The following CLSTN2 variants were observed in gnomAD, a reference collection of about 807,000 sequenced individuals.
The protein encoded by CLSTN2 is calsyntenin-2.
In CLSTN2, 48 loss-of-function variants were observed where a neutral mutation model predicts 101.2. That is an observed-to-expected ratio of 0.47 (90% CI 0.38 to 0.60). The LOEUF (loss-of-function observed/expected upper bound fraction) is 0.60. CLSTN2 is among the 20% of genes least tolerant of loss of function. The pLI is 0.00. For missense variants in CLSTN2, 1,160 were observed against 1,238.2 expected, an observed-to-expected ratio of 0.94 and a Z score of 0.95; for synonymous variants, 481 against 463.6, an observed-to-expected ratio of 1.04 and a Z score of -0.48.
At chr3:140,304,232 A>C (rs1185525334) in intron 2 of CLSTN2, among the ~76,000 whole-genome samples, 1 of 152,206 alleles carries the variant, frequency 6.6e-6, no homozygotes, top group African/African-American at 2.4e-5. Flanking sequence ...CTGATAATCT[A>C]AAATGCTGGG....
At position 140,564,129 on chromosome 3, in the gene CLSTN2, C is replaced by T. The variant is rs1441523138; in HGVS notation, c.2651C>T (p.Thr884Ile). 2 of 1,613,996 alleles carry T rather than the reference C, an allele frequency of 1.2e-6. No homozygotes were observed. The highest frequency in any genetic ancestry group is 1.7e-6 in the Non-Finnish European group (2 of 1,179,934). The change falls in exon 16 of 17, where the codon ACA (threonine) becomes ATA (isoleucine). Residue 884 changes from threonine to isoleucine, a missense_variant. Physicochemically the swap from Thr to Ile is moderately conservative, Grantham distance 89 (BLOSUM62 -1). Coordinates refer to ENST00000458420, the MANE Select transcript of CLSTN2 (RefSeq NM_022131.3). ...MDWDDSALTITVNPMEKHEGP... is the reference protein window; with the variant it reads ...MDWDDSALTIIVNPMEKHEGP... ...TGGGACGATTCTGCGCTGACTATCA[C>T]AGTCAACCCCATGGAGGTGATCCTC...
chr3:140,502,254 C>CTAA (rs1306413696), intron 8 of CLSTN2, among the ~76,000 whole-genome samples: 2 of 152,208 alleles, frequency 1.3e-5, no homozygotes, highest in Non-Finnish European at 2.9e-5. Context: ...TGAAAGTCAA[C>CTAA]TAATTCTACA....
intron 1 of CLSTN2, among the ~76,000 whole-genome samples, chr3:140,150,709 AC>A (rs2009851028): frequency 6.6e-6 from 1 of 152,148 alleles, no homozygotes; most frequent in African/African-American, 2.4e-5. Flanking sequence ...GGGCTGTATC[AC>A]AGCTCCACTT....
Position 140,132,253 on chromosome 3 carries a change from G to A in CLSTN2, c.110-43698G>A, listed in dbSNP as rs554308238. ...TCTGATTTCTATGATTTTACTGATA[G>A]CACTTAAATAATTATTTTTTTGTGT... On this transcript the variant is annotated intron_variant, in intron 1 of 16. Coordinates refer to ENST00000458420, the MANE Select transcript of CLSTN2 (RefSeq NM_022131.3). Among the ~76,000 whole-genome samples the A allele has an allele frequency of 2.6e-5, 4 of 152,218 alleles. No individual in the cohort carries two copies. The South Asian group carries it at 8.3e-4, about 32-fold the overall frequency.
chr3:140,360,510 A>G (rs1294851428), intron 2 of CLSTN2, among the ~76,000 whole-genome samples: 1 of 152,218 alleles, frequency 6.6e-6, no homozygotes. Context: ...CAGATGACTG[A>G]AAAAGTCATT....
At chr3:140,151,510 C>T (rs772229819) in intron 1 of CLSTN2, among the ~76,000 whole-genome samples, 17 of 151,986 alleles carry the variant, frequency 1.1e-4, no homozygotes, top group Non-Finnish European at 2.2e-4. Context: ...TCTTTATACA[C>T]GGGGTGACGG....
At chr3:140,226,184 G>A (rs987407870) in intron 2 of CLSTN2, among the ~76,000 whole-genome samples, 3 of 151,948 alleles carry the variant, frequency 2.0e-5, no homozygotes, top group Non-Finnish European at 4.4e-5. Flanking sequence ...CACAGAAATG[G>A]AGAACATTTA....
chr3:140,359,889 C>A (rs1437426821), intron 2 of CLSTN2, among the ~76,000 whole-genome samples: 1 of 151,618 alleles, frequency 6.6e-6, no homozygotes, highest in Non-Finnish European at 1.5e-5. Flanking sequence ...GTGGTGGAAG[C>A]TCAGCAGATA....
chr3:140,519,377 G>A (rs1159245275), intron 8 of CLSTN2, among the ~76,000 whole-genome samples: 1 of 152,154 alleles, frequency 6.6e-6, no homozygotes, highest in Admixed American at 6.5e-5. Context: ...GAATATCTTT[G>A]TTAATTTTCT....
At chr3:140,076,660 C>T (rs993568494) in intron 1 of CLSTN2, among the ~76,000 whole-genome samples, 2 of 94,432 alleles carry the variant, frequency 2.1e-5, no homozygotes, top group Non-Finnish European at 3.8e-5. Context: ...TTTTCCTAGC[C>T]TTCGAGGCCC....
At chr3:140,417,543 C>A (rs1244210317) in intron 4 of CLSTN2, among the ~76,000 whole-genome samples, 1 of 151,884 alleles carries the variant, frequency 6.6e-6, no homozygotes, top group Non-Finnish European at 1.5e-5. Flanking sequence ...CCCCACTCTC[C>A]GAGTTTAAAA....
chr3:140,262,310 A>G (rs868178920), intron 2 of CLSTN2, among the ~76,000 whole-genome samples: 19 of 152,202 alleles, frequency 1.2e-4, no homozygotes, highest in Admixed American at 9.8e-4. Context: ...TGTTCCACCC[A>G]TAGGATGCCA....
intron 1 of CLSTN2, among the ~76,000 whole-genome samples, chr3:140,120,991 A>G (rs955160688): frequency 1.3e-5 from 2 of 152,226 alleles, no homozygotes; most frequent in Non-Finnish European, 2.9e-5. Context: ...AAAGCATTGT[A>G]TGTGCCAGAG....
intron 2 of CLSTN2, among the ~76,000 whole-genome samples, chr3:140,223,929 G>A (rs1323234105): frequency 6.6e-6 from 1 of 152,176 alleles, no homozygotes; most frequent in Non-Finnish European, 1.5e-5. Context: ...TCCCACAGGA[G>A]TGTGTGCCGT....
At chr3:140,098,465 A>C (rs1017467996) in intron 1 of CLSTN2, among the ~76,000 whole-genome samples, 4 of 152,218 alleles carry the variant, frequency 2.6e-5, no homozygotes, top group African/African-American at 9.6e-5. Context: ...TCACTGTTGA[A>C]TTGTTTGATG....
chr3:140,110,002 C>T (rs1406689903), intron 1 of CLSTN2, among the ~76,000 whole-genome samples: 11 of 152,106 alleles, frequency 7.2e-5, no homozygotes. Context: ...ATCAGCCTTC[C>T]CAGGACCATA....
At chr3:139,961,213 C>T (rs939633847) in intron 1 of CLSTN2, among the ~76,000 whole-genome samples, 4 of 152,084 alleles carry the variant, frequency 2.6e-5, no homozygotes, top group Admixed American at 6.5e-5. Flanking sequence ...CTTTATAAAA[C>T]GGGTCCGAAG....
chr3:140,074,071 T>C (rs953049847), intron 1 of CLSTN2, among the ~76,000 whole-genome samples: 1 of 152,196 alleles, frequency 6.6e-6, no homozygotes, highest in African/African-American at 2.4e-5. Context: ...ATGGCTACTG[T>C]GCACACCAGC....
chr3:140,465,375 A>G (rs1210642522), intron 7 of CLSTN2, among the ~76,000 whole-genome samples: 1 of 152,198 alleles, frequency 6.6e-6, no homozygotes, highest in Non-Finnish European at 1.5e-5. Context: ...GCTTTCTGCT[A>G]AAAGAGCAGT....
Sources: allele counts gnomAD v4.1 joint callset (sites outside exome capture counted in the v4.1 genomes callset), GRCh38; gene constraint gnomAD v4.1.1; transcripts MANE v1.5; gene names NCBI Gene and HGNC (gene_info 2026-07-23, HGNC 2026-07-21).